MEIG1: variants seen among roughly 807,000 people sequenced by gnomAD.
The protein encoded by MEIG1 is meiosis/spermiogenesis associated 1.
MEIG1 carries 12 observed loss-of-function variants against 11.3 expected under a neutral mutation model. That is an observed-to-expected ratio of 1.07 (90% CI 0.68 to 1.73). The LOEUF is 1.73. MEIG1 is among the 40% of genes most tolerant of loss of function. MEIG1 has a pLI of 0.00. For synonymous variants in MEIG1, 41 were observed against 33.2 expected, an observed-to-expected ratio of 1.24 and a Z score of -0.81; for missense variants, 119 against 104.9, an observed-to-expected ratio of 1.13 and a Z score of -0.59.
Position 14,972,744 on chromosome 10 carries a change from C to A in MEIG1, c.*103C>A. On this transcript the variant is annotated 3_prime_UTR_variant, in exon 3 of 3. Transcript: ENST00000407572. ...ATGAAATAATTCAAGATGCAGTCTG[C>A]AGTTTAATGTTTTGTGAAACACAAA... 8.8e-7 allele frequency: 1 copy of A among 1,138,362 alleles called. No individual in the cohort carries two copies. The highest frequency in any genetic ancestry group is 1.2e-6 in the Non-Finnish European group (1 of 823,446). The allele number at this position is 1,138,362 out of a possible 1,614,324, so 70.5% of individuals were successfully genotyped here. A position where few individuals can be genotyped will look rare whatever the true frequency, so the allele number is the denominator to read the frequency against.
At chr10:14,972,448 A>G (rs1400261733) in intron 2 of MEIG1, 65 bp from the exon 3 acceptor site, 15 of 1,596,892 alleles carry the variant, frequency 9.4e-6, no homozygotes, top group Non-Finnish European at 1.3e-5. Context: ...ACTATTTGAT[A>G]GTAAAATATG....
intron 1 of MEIG1, among the ~76,000 whole-genome samples, chr10:14,961,638 A>ATTTTTTTTT (rs34536061): frequency 1.3e-4 from 10 of 76,610 alleles, no homozygotes; most frequent in South Asian, 5.1e-4. Flanking sequence ...CATCCGGCTA[A>ATTTTTTTTT]TTTTTTTTTT....
intron 2 of MEIG1, among the ~76,000 whole-genome samples, chr10:14,969,962 C>A (rs1264147638): frequency 1.3e-5 from 2 of 152,166 alleles, no homozygotes; most frequent in Non-Finnish European, 2.9e-5. Flanking sequence ...AGTATATGTT[C>A]CTTAACAAAA....
At chr10:14,978,115 CAT>C (rs1329458585) in intron 1 of MEIG1, among the ~76,000 whole-genome samples, 1 of 151,842 alleles carries the variant, frequency 6.6e-6, no homozygotes, top group Non-Finnish European at 1.5e-5. Flanking sequence ...CCTAATATCA[CAT>C]GTGTTATCCT....
intron 1 of MEIG1, among the ~76,000 whole-genome samples, chr10:14,978,520 A>T (rs918671418): frequency 6.6e-6 from 1 of 152,052 alleles, no homozygotes; most frequent in Middle Eastern, 3.2e-3. Flanking sequence ...TATTATTCAC[A>T]GTATATGAGA....
rs1177185766 is a variant in MEIG1 at position 14,982,126 on chromosome 10, C to T, written n.67-4670C>T. On this transcript the variant is annotated intron_variant and non_coding_transcript_variant, in intron 1 of 2. Transcript: ENST00000467536. The stretch of plus-strand genomic sequence containing the variant: ...GGTTATCGGGATCGAGGGGAGTATA[C>T]ATATGATAGGCCTCACACAGTCTCT... 1.6e-4 allele frequency among the ~76,000 whole-genome samples: 24 copies of T among 152,320 alleles called. No individual in the cohort carries two copies. The East Asian group carries it at 4.6e-3, about 29-fold the overall frequency.
At chr10:14,961,302 C>T (rs1255230577) in intron 1 of MEIG1, among the ~76,000 whole-genome samples, 2 of 152,122 alleles carry the variant, frequency 1.3e-5, no homozygotes, top group African/African-American at 2.4e-5. Flanking sequence ...TTACTGAATG[C>T]GTATTGCTTT....
At chr10:14,978,579 T>C (rs2131280682) in intron 1 of MEIG1, among the ~76,000 whole-genome samples, 1 of 152,142 alleles carries the variant, frequency 6.6e-6, no homozygotes, top group African/African-American at 2.4e-5. Flanking sequence ...GTGATATTAT[T>C]CCTAATATCC....
intron 1 of MEIG1, among the ~76,000 whole-genome samples, chr10:14,963,258 G>C (rs771201969): frequency 6.6e-6 from 1 of 151,666 alleles, no homozygotes; most frequent in Non-Finnish European, 1.5e-5. Context: ...CACCACGCCC[G>C]GCTAATTTTG....
chr10:14,978,348 T>C (rs1388695060), intron 1 of MEIG1, among the ~76,000 whole-genome samples: 1 of 152,022 alleles, frequency 6.6e-6, no homozygotes, highest in East Asian at 1.9e-4. Context: ...AAAATGGGAC[T>C]GCTAATATCA....
downstream of MEIG1, among the ~76,000 whole-genome samples, chr10:14,974,154 CCT>C (rs1297198377): frequency 2.0e-5 from 3 of 152,230 alleles, no homozygotes; most frequent in Non-Finnish European, 2.9e-5. Flanking sequence ...CTTTGCATAT[CCT>C]CTCTTTCATG....
chr10:14,969,225 T>C (rs2131270864), intron 2 of MEIG1, among the ~76,000 whole-genome samples: 1 of 152,218 alleles, frequency 6.6e-6, no homozygotes, highest in Admixed American at 6.5e-5. Flanking sequence ...GGGTGAAGGA[T>C]TGCTTGAGGC....
chr10:14,955,322 T>C (rs1346553650), upstream of MEIG1, among the ~76,000 whole-genome samples: 1 of 152,160 alleles, frequency 6.6e-6, no homozygotes, highest in Non-Finnish European at 1.5e-5. Flanking sequence ...GTTTGCAGAA[T>C]ATGGCAAATA....
intron 2 of MEIG1, among the ~76,000 whole-genome samples, chr10:14,971,542 C>CA (rs5783426): frequency 3.4e-4 from 50 of 148,742 alleles, no homozygotes; most frequent in Middle Eastern, 3.4e-3. Flanking sequence ...GACCCTGTTT[C>CA]AAAAAAAAAA....
At chr10:14,956,377 G>C (rs1055941789), upstream of MEIG1, among the ~76,000 whole-genome samples, 2 of 151,018 alleles carry the variant, frequency 1.3e-5, no homozygotes, top group Non-Finnish European at 3.0e-5. Flanking sequence ...TCAGGAGTTC[G>C]AGACCAGCCT....
intron 1 of MEIG1, among the ~76,000 whole-genome samples, chr10:14,965,098 CT>C (rs11347482): frequency 0.64 from 97,349 of 151,772 alleles, 31,516 homozygotes; most frequent in Admixed American, 0.69. Flanking sequence ...CCTGTTATAC[CT>C]TTAATGTATT....
At chr10:14,973,902 T>C (rs150993865), downstream of MEIG1, among the ~76,000 whole-genome samples, 1,919 of 152,284 alleles carry the variant, frequency 0.013, 15 homozygotes, top group South Asian at 0.033. Context: ...CCTCAGGATT[T>C]ACATTTGTAA....
chr10:14,973,749 G>A (rs1270260052), downstream of MEIG1, among the ~76,000 whole-genome samples: 3 of 119,788 alleles, frequency 2.5e-5, no homozygotes, highest in Admixed American at 3.4e-4. Context: ...CAGCCTGGGC[G>A]ACAGAGGGAG....
intron 1 of MEIG1, among the ~76,000 whole-genome samples, chr10:14,982,195 A>C (rs1843272421): frequency 6.6e-6 from 1 of 152,162 alleles, no homozygotes. Context: ...GAATGACCTC[A>C]GAGACCTTGT....
Sources: allele counts gnomAD v4.1 joint callset (sites outside exome capture counted in the v4.1 genomes callset), GRCh38; gene constraint gnomAD v4.1.1; transcripts MANE v1.5; gene names NCBI Gene and HGNC (gene_info 2026-07-23, HGNC 2026-07-21).